CDK11A: variants seen among roughly 807,000 people sequenced by gnomAD.
CDK11A encodes the protein cyclin dependent kinase 11A.
Under a neutral mutation model 83.6 loss-of-function variants are expected in CDK11A, and 55 were observed. The ratio of observed to expected loss-of-function variants is 0.66; its 90% CI spans 0.53 to 0.82. The LOEUF is 0.82. Among genes scored for constraint, CDK11A ranks in the 40% least tolerant of loss-of-function variants. The pLI is 0.00. For synonymous variants in CDK11A, 247 were observed against 302.7 expected (o/e 0.82, Z 1.91); for missense variants, 564 against 810.1 (o/e 0.70, Z 3.69).
rs563995934 is a variant in CDK11A at position 1,704,687 on chromosome 1, C to A, written c.1459-32G>T. The A allele has an allele frequency of 2.6e-5, 42 of 1,595,304 alleles. 1 individual carries two copies. In the African/African-American group the frequency reaches 3.0e-4, roughly 11 times the overall value. On this transcript the variant is annotated intron_variant, in intron 13 of 19. Coordinates refer to ENST00000404249, the MANE Select transcript of CDK11A (RefSeq NM_024011.4). ...GGCACGGCTCTGTGGGTGCTGGGCA[C>A]CTCCAGGCCCCCACCCACCCCTGCA...
intron 14 of CDK11A, 42 bp downstream of exon 14, chr1:1,704,507 GC>G (rs775808195): frequency 6.3e-7 from 1 of 1,587,308 alleles, no homozygotes; most frequent in Non-Finnish European, 8.6e-7. Context: ...CCAGGACACT[GC>G]CCCCACTTGT....
chr1:1,714,959 C>T (rs1355346896), intron 5 of CDK11A, among the ~76,000 whole-genome samples: 3 of 150,314 alleles, frequency 2.0e-5, no homozygotes, highest in African/African-American at 7.3e-5. Flanking sequence ...ACTGAGGATG[C>T]TGGTGGGCAA....
In CDK11A at chr1:1,703,255, AAGT is replaced by A. The variant is rs1316147823; in HGVS notation, c.2072_2074del (p.Tyr691del). 2.1e-6 allele frequency: 1 copy of A among 468,392 alleles called. No homozygotes were observed. Among genetic ancestry groups the A allele is most frequent in the Non-Finnish European group, 3.5e-6 (1 of 287,080 alleles). The allele number at this position is 468,392 out of a possible 1,614,324, so 29.0% of individuals were successfully genotyped here. The stretch of plus-strand genomic sequence containing the variant: ...CTCAGCGCTGATCCTCCTCCCGGGG[AAGT>A]AGGTCAGGAACCTGGGGGGAGAGGG... On this transcript the variant is annotated inframe_deletion, in exon 19 of 20. Transcript: ENST00000404249.
At chr1:1,716,811 T>C (rs533350796) in intron 4 of CDK11A, among the ~76,000 whole-genome samples, 7 of 30,408 alleles carry the variant, frequency 2.3e-4, no homozygotes, top group African/African-American at 1.4e-3. Context: ...TGAGACTCCA[T>C]CTCAAAAAAA....
chr1:1,719,189 G>A lies in CDK11A; in HGVS notation c.355+139C>T, dbSNP rs1534952. 16,160 of 693,142 alleles carry A rather than the reference G, an allele frequency of 0.023. 1,979 individuals carry two copies. The African/African-American group carries it at 0.24, about 10-fold the overall frequency. 42.9% of individuals were successfully genotyped at this position (693,142 alleles called of 1,614,324 possible). A position where few individuals can be genotyped will look rare whatever the true frequency, so the allele number is the denominator to read the frequency against. ...TATTCTCTCTATAGCCCTTCTGAAC[G>A]GTCTGTGACACCATTATGCTTTCAG... is the stretch of plus-strand genomic sequence containing the variant. On this transcript the variant is annotated intron_variant, in intron 4 of 19. Coordinates refer to ENST00000404249, the MANE Select transcript of CDK11A (RefSeq NM_024011.4).
rs1475774736 is a variant in CDK11A, at chr1:1,722,779, C to T, written c.40G>A (p.Asp14Asn). The change falls in exon 2 of 20, where the codon GAT becomes AAT. Residue 14 changes from aspartate (D) to asparagine (N), a missense_variant. Asp to Asn is a conservative substitution (Grantham distance 23). This residue lies in a region of CDK11A where 28 missense variants were observed against 54.8 expected (regional missense o/e 0.51). Coordinates refer to ENST00000404249, the MANE Select transcript of CDK11A (RefSeq NM_024011.4). Reference sequence around the variant, plus strand: ...CGTTTCTTTTCCTGAAGAATTTCATCTAAAGTTTTCACTTTCCAAGAGTCC... The same window carrying T: ...CGTTTCTTTTCCTGAAGAATTTCATTTAAAGTTTTCACTTTCCAAGAGTCC... ...EKDSWKVKTL[D>N]EILQEKKRRK... 1.4e-6 allele frequency: 2 copies of T among 1,449,492 alleles called. No individual in the cohort carries two copies. Among genetic ancestry groups the T allele is most frequent in the Admixed American group, 4.9e-5 (2 of 40,660 alleles). 89.8% of individuals were successfully genotyped at this position (1,449,492 alleles called of 1,614,324 possible).
At chr1:1,714,998 A>G (rs1644585431) in intron 5 of CDK11A, among the ~76,000 whole-genome samples, 1 of 149,532 alleles carries the variant, frequency 6.7e-6, no homozygotes, top group Admixed American at 6.8e-5. Context: ...TAAACGGAGT[A>G]ACCCCTTCCA....
chr1:1,702,967 G>A lies in CDK11A; in HGVS notation c.2283C>T (p.His761=). The stretch of plus-strand genomic sequence containing the variant: ...AGGCCCCCTGGTTCGTGGTGGTAAG[G>A]TGGAAGCCCGTCTCCTTCAGGTCGT... ...GDDDLKETGF[H]LTTTNQGASA... The change falls in exon 20 of 20, where the codon CAC becomes CAT. Residue 761 remains histidine, a synonymous_variant. Transcript: ENST00000404249. The A allele has an allele frequency of 2.1e-6, 1 of 477,106 alleles. No individual in the cohort carries two copies. Among genetic ancestry groups the A allele is most frequent in the South Asian group, 2.1e-5 (1 of 46,520 alleles). 29.6% of individuals were successfully genotyped at this position (477,106 alleles called of 1,614,324 possible).
rs372466982 is a variant in CDK11A, at chr1:1,707,482, T to C, written c.1172A>G (p.Tyr391Cys). 22 of 1,606,760 alleles carry C rather than the reference T, an allele frequency of 1.4e-5. 1 individual carries two copies. The highest frequency in any genetic ancestry group is 4.4e-5 in the South Asian group (4 of 90,556). ...CAACAGGGCAGGGGAGTCGGGCACATAGTCGCCCTCTGTCAGGGCGCTGCT... is the reference window on the plus strand; with the variant it reads ...CAACAGGGCAGGGGAGTCGGGCACACAGTCGCCCTCTGTCAGGGCGCTGCT... ...PQSSALTEGD[Y>C]VPDSPALLPI... Residue 391 changes from tyrosine to cysteine, a missense_variant, in exon 11 of 20, where the codon TAT (tyrosine) becomes TGT (cysteine). Tyr to Cys is a radical substitution (Grantham distance 194). Coordinates refer to ENST00000404249, the MANE Select transcript of CDK11A (RefSeq NM_024011.4).
At chr1:1,706,261 C>T (rs1317592640) in intron 11 of CDK11A, among the ~76,000 whole-genome samples, 4 of 150,652 alleles carry the variant, frequency 2.7e-5, no homozygotes, top group African/African-American at 9.8e-5. Flanking sequence ...TTAGTAGAGA[C>T]AGGATTTCAC....
rs906210494 is a variant in CDK11A, at chr1:1,706,850, G to A, written c.1245+559C>T. On this transcript the variant is annotated intron_variant, in intron 11 of 19. Transcript: ENST00000404249. ...GAACCTCTCCGCCCACAGGCACCAAGGAGGGGGCCGAGTCCCTGCCGGTCT... is the reference window on the plus strand; with the variant it reads ...GAACCTCTCCGCCCACAGGCACCAAAGAGGGGGCCGAGTCCCTGCCGGTCT... Among the ~76,000 whole-genome samples the A allele has an allele frequency of 1.8e-4, 27 of 150,160 alleles. 1 individual carries two copies. Among genetic ancestry groups the A allele is most frequent in the African/African-American group, 6.7e-4 (27 of 40,378 alleles).
intron 5 of CDK11A, among the ~76,000 whole-genome samples, chr1:1,713,733 A>C (rs1644548982): frequency 1.8e-5 from 1 of 57,008 alleles, no homozygotes; most frequent in Non-Finnish European, 6.4e-5. Flanking sequence ...CAGGATATTG[A>C]CGTCAACCTA....
chr1:1,707,470 G>A lies in CDK11A; in HGVS notation c.1184C>T (p.Ser395Phe). Residue 395 changes from serine to phenylalanine, a missense_variant, in exon 11 of 20, where the codon TCC becomes TTC. Around this residue, in one of 5 missense-constraint regions of CDK11A, gnomAD observed 361 missense variants for 402.7 expected, o/e 0.90. Coordinates refer to ENST00000404249, the MANE Select transcript of CDK11A (RefSeq NM_024011.4). The part of the protein sequence containing the change: ...ALTEGDYVPD[S>F]PALLPIELKQ... ...GAGCTCGATGGGCAACAGGGCAGGG[G>A]AGTCGGGCACATAGTCGCCCTCTGT... is the stretch of plus-strand genomic sequence containing the variant. The A allele has an allele frequency of 6.2e-7, 1 of 1,607,552 alleles. No individual in the cohort carries two copies. Among genetic ancestry groups the A allele is most frequent in the Non-Finnish European group, 8.5e-7 (1 of 1,175,858 alleles).
At position 1,719,524 on chromosome 1, in the gene CDK11A, G is replaced by GT. The variant is rs1225447302; in HGVS notation, c.228-70dup. The GT allele has an allele frequency of 2.7e-5, 34 of 1,263,140 alleles. No homozygotes were observed. In the East Asian group the frequency reaches 8.7e-4, roughly 32 times the overall value. 78.2% of individuals were successfully genotyped at this position (1,263,140 alleles called of 1,614,324 possible). On this transcript the variant is annotated intron_variant, in intron 3 of 19. Coordinates refer to ENST00000404249, the MANE Select transcript of CDK11A (RefSeq NM_024011.4). ...CGGAAAAGCATCAGGCTATTATGAG[G>GT]TTTTTTCAACCCAGAAAAATGCATG...
chr1:1,707,029 A>G (rs1238271199), intron 11 of CDK11A, among the ~76,000 whole-genome samples: 1 of 143,054 alleles, frequency 7.0e-6, no homozygotes, highest in African/African-American at 2.8e-5. Context: ...CAAGCCCTGC[A>G]CAGATGCCGG....
intron 11 of CDK11A, among the ~76,000 whole-genome samples, chr1:1,706,180 C>A (rs1364968032): frequency 1.8e-4 from 27 of 150,378 alleles, no homozygotes; most frequent in Admixed American, 1.8e-3. Flanking sequence ...TCAGGCGATT[C>A]TCCTGCCTCA....
intron 1 of CDK11A, among the ~76,000 whole-genome samples, chr1:1,723,523 A>C (rs1334951662): frequency 9.1e-5 from 5 of 55,162 alleles, no homozygotes; most frequent in East Asian, 8.2e-4. Context: ...AAAAAAAAAA[A>C]CAAGAATGAT....
At chr1:1,722,527 C>T in intron 2 of CDK11A, 181 bp downstream of exon 2, 2 of 562,630 alleles carry the variant, frequency 3.6e-6, no homozygotes, top group Non-Finnish European at 6.5e-6. Context: ...CTAGACACAG[C>T]TTTAGTGTGT....
chr1:1,704,061 G>A lies in CDK11A; in HGVS notation c.1772C>T (p.Pro591Leu). 1.3e-6 allele frequency: 2 copies of A among 1,595,820 alleles called. No individual in the cohort carries two copies. The highest frequency in any genetic ancestry group is 1.7e-6 in the Non-Finnish European group (2 of 1,168,780). Residue 591 changes from proline to leucine, a missense_variant, in exon 16 of 20, where the codon CCA becomes CTA. Pro to Leu is a moderately conservative substitution (Grantham distance 98). Transcript: ENST00000404249. ...CACCTTGGCACCAAGCAGCAGCTCT[G>A]GGGCGCGGTACCACTGGGTCACCAC... ...PVVVTQWYRA[P>L]ELLLGAKEYS...
Sources: gnomAD v4.1 joint callset for allele counts (sites outside exome capture counted in the v4.1 genomes callset) on GRCh38, gnomAD v4.1.1 for gene constraint, gnomAD v4.1.1 regional missense constraint, MANE v1.5 for transcripts, NCBI Gene and HGNC (gene_info 2026-07-23, HGNC 2026-07-21) for gene names.